PLCE1: variants seen among roughly 807,000 people sequenced by gnomAD.
The protein encoded by PLCE1 is 1-phosphatidylinositol 4,5-bisphosphate phosphodiesterase epsilon-1.
In PLCE1, 119 loss-of-function variants were observed where a neutral mutation model predicts 242.8. The observed-to-expected ratio is 0.49, with a 90% confidence interval of 0.42 to 0.57. PLCE1 has a LOEUF of 0.57. PLCE1 is among the 20% of genes least tolerant of loss of function. The pLI, the probability that PLCE1 is intolerant of heterozygous loss-of-function variation, is 0.00. For missense variants in PLCE1, 2,441 were observed against 2,788.8 expected, an observed-to-expected ratio of 0.88 and a Z score of 2.81; for synonymous variants, 945 against 1,017.4, an observed-to-expected ratio of 0.93 and a Z score of 1.35.
At chr10:94,160,463 G>C (rs1277906418) in intron 3 of PLCE1, among the ~76,000 whole-genome samples, 2 of 152,134 alleles carry the variant, frequency 1.3e-5, no homozygotes, top group East Asian at 3.8e-4. Context: ...TTTTGATGGG[G>C]TTGTTTCTTT....
rs1479758750 is a variant in PLCE1 at position 94,293,517 on chromosome 10, C to T, written c.5045C>T (p.Thr1682Ile). 9 of 1,613,424 alleles carry T rather than the reference C, an allele frequency of 5.6e-6. No homozygotes were observed. Among genetic ancestry groups the T allele is most frequent in the Non-Finnish European group, 7.6e-6 (9 of 1,179,654 alleles). The change falls in exon 23 of 33, where the codon ACT (threonine) becomes ATT (isoleucine). Residue 1682 changes from threonine (T) to isoleucine (I), a missense_variant. Around this residue, in one of 5 missense-constraint regions of PLCE1, gnomAD observed 1,004 missense variants for 1,322.7 expected, o/e 0.76. Coordinates refer to ENST00000371380, the MANE Select transcript of PLCE1 (RefSeq NM_016341.4). ...CATTTTATGGGAACAGGACTGTCAA[C>T]TCTAAATGCATCTGGCTCTAGCAGA... ...CQAVKFPGLS[T>I]LNASGSSRGK...
At chr10:94,024,412 A>T (rs2061424368) in intron 1 of PLCE1, among the ~76,000 whole-genome samples, 1 of 152,132 alleles carries the variant, frequency 6.6e-6, no homozygotes, top group African/African-American at 2.4e-5. Flanking sequence ...TCTTCTGAGG[A>T]CTTCAGATGA....
intron 4 of PLCE1, among the ~76,000 whole-genome samples, chr10:94,191,445 G>A (rs190922760): frequency 8.9e-4 from 136 of 152,150 alleles, no homozygotes; most frequent in Middle Eastern, 3.4e-3. Context: ...AGTTTGAGAC[G>A]AGCCTGGGCG....
chr10:94,026,091 C>A (rs372465714), intron 1 of PLCE1, among the ~76,000 whole-genome samples: 2 of 152,104 alleles, frequency 1.3e-5, no homozygotes, highest in African/African-American at 4.8e-5. Flanking sequence ...AGTTTTCCAG[C>A]CCTTGATTTA....
At chr10:94,009,366 A>G (rs954922254) in intron 1 of PLCE1, among the ~76,000 whole-genome samples, 3 of 152,206 alleles carry the variant, frequency 2.0e-5, no homozygotes, top group Admixed American at 6.5e-5. Context: ...CCATGATCCA[A>G]ACACCTTCCA....
intron 29 of PLCE1, among the ~76,000 whole-genome samples, chr10:94,318,307 A>T (rs1249206569): frequency 6.6e-6 from 1 of 152,212 alleles, no homozygotes; most frequent in Non-Finnish European, 1.5e-5. Context: ...TTTAATGTCT[A>T]AATTTTTGTC....
rs2050675809 is a variant in PLCE1 at position 94,246,257 on chromosome 10, T to C, written c.2732T>C (p.Leu911Pro). The stretch of plus-strand genomic sequence containing the variant: ...AGCAGTAAAGCAAAACTTGGTGTAC[T>C]TAATAACACAGCTGAGCCTGGAAAA... ...PASSKAKLGV[L>P]NNTAEPGKFP... Residue 911 changes from leucine (L) to proline (P), a missense_variant, in exon 8 of 33, where the codon CTT (leucine) becomes CCT (proline). Coordinates refer to ENST00000371380, the MANE Select transcript of PLCE1 (RefSeq NM_016341.4). 1 of 1,614,232 alleles carries C rather than the reference T, an allele frequency of 6.2e-7. No homozygotes were observed. Among genetic ancestry groups the C allele is most frequent in the Non-Finnish European group, 8.5e-7 (1 of 1,180,026 alleles).
intron 27 of PLCE1, among the ~76,000 whole-genome samples, chr10:94,309,860 C>T (rs2053330537): frequency 6.6e-6 from 1 of 151,998 alleles, no homozygotes; most frequent in Admixed American, 6.5e-5. Flanking sequence ...GACCCCATCT[C>T]TATTAAAAAA....
intron 4 of PLCE1, among the ~76,000 whole-genome samples, chr10:94,210,664 T>C (rs997290480): frequency 9.9e-5 from 15 of 152,060 alleles, no homozygotes; most frequent in Non-Finnish European, 2.9e-5. Flanking sequence ...TTAATCAGGG[T>C]CTCCAGCCCA....
chr10:94,085,450 C>G (rs1422002178), intron 2 of PLCE1, among the ~76,000 whole-genome samples: 1 of 152,112 alleles, frequency 6.6e-6, no homozygotes, highest in Non-Finnish European at 1.5e-5. Context: ...TCTGTGGCGT[C>G]TCAGAGGCAG....
At chr10:94,226,978 G>T (rs1475234486) in intron 4 of PLCE1, 1 of 344,660 alleles carries the variant, frequency 2.9e-6, no homozygotes, top group Non-Finnish European at 5.6e-6. Flanking sequence ...CAGGGTTCAA[G>T]CGATTCTCCT....
rs755624763 is a variant in PLCE1, at chr10:94,262,630, A to G, written c.3951A>G (p.Thr1317=). The G allele has an allele frequency of 3.1e-6, 5 of 1,614,016 alleles. No homozygotes were observed. The highest frequency in any genetic ancestry group is 1.3e-5 in the African/African-American group (1 of 74,928). ...IVTNGTGIES[T]SLGIFGVGIL... is the part of the protein sequence containing the mutation. Reference sequence around the variant, plus strand: ...CAAATGGCACTGGGATTGAGAGCACATCTCTGGGCATTTTTGGGGTGGGCA... The same window carrying G: ...CAAATGGCACTGGGATTGAGAGCACGTCTCTGGGCATTTTTGGGGTGGGCA... Residue 1317 remains threonine (T), a synonymous_variant, in exon 14 of 33, where the codon ACA becomes ACG. Coordinates refer to ENST00000371380, the MANE Select transcript of PLCE1 (RefSeq NM_016341.4).
intron 1 of PLCE1, among the ~76,000 whole-genome samples, chr10:94,007,382 T>G (rs1396647817): frequency 6.6e-6 from 1 of 152,138 alleles, no homozygotes; most frequent in Non-Finnish European, 1.5e-5. Context: ...ATTAGCATTG[T>G]TGGCTGTAAC....
At chr10:94,054,842 C>A (rs775051044) in intron 2 of PLCE1, among the ~76,000 whole-genome samples, 24 of 152,028 alleles carry the variant, frequency 1.6e-4, no homozygotes, top group Non-Finnish European at 3.1e-4. Context: ...GAAACCCCAT[C>A]TCTACTAAAA....
chr10:94,178,332 C>A (rs1027674621), intron 4 of PLCE1, among the ~76,000 whole-genome samples: 1 of 152,100 alleles, frequency 6.6e-6, no homozygotes, highest in African/African-American at 2.4e-5. Flanking sequence ...GGTCATGAGT[C>A]CTAGATTGAG....
chr10:94,207,283 G>T (rs899233097), intron 4 of PLCE1, among the ~76,000 whole-genome samples: 4 of 152,182 alleles, frequency 2.6e-5, no homozygotes, highest in African/African-American at 9.7e-5. Context: ...AAGCCGAAAT[G>T]GTTGGGACAT....
chr10:94,013,857 G>A (rs1312099451), intron 1 of PLCE1, among the ~76,000 whole-genome samples: 1 of 151,704 alleles, frequency 6.6e-6, no homozygotes, highest in Non-Finnish European at 1.5e-5. Flanking sequence ...AGTACTTGTA[G>A]ATGATCCCTG....
At chr10:94,289,672 A>C (rs1033293323) in intron 22 of PLCE1, among the ~76,000 whole-genome samples, 1 of 152,234 alleles carries the variant, frequency 6.6e-6, no homozygotes, top group African/African-American at 2.4e-5. Context: ...GACAAGGTAC[A>C]GTAAAATTAT....
In PLCE1 at chr10:94,010,487, G is replaced by A. The variant is rs114161710; in HGVS notation, c.-365+16229G>A. The stretch of plus-strand genomic sequence containing the variant: ...GGTTGCTCTGCAGCCCTTTTTAATT[G>A]TTACCCTGAAAACAGGCTTTTCTTC... On this transcript the variant is annotated intron_variant, in intron 1 of 32. Coordinates refer to ENST00000371380, the MANE Select transcript of PLCE1 (RefSeq NM_016341.4). Among the ~76,000 whole-genome samples, 1,043 of 152,214 alleles carry A rather than the reference G, an allele frequency of 6.9e-3. 6 individuals carry two copies. The highest frequency in any genetic ancestry group is 0.024 in the African/African-American group (992 of 41,520).
Sources: allele counts gnomAD v4.1 joint callset (sites outside exome capture counted in the v4.1 genomes callset), GRCh38; gene constraint gnomAD v4.1.1; regional missense constraint gnomAD v4.1.1; transcripts MANE v1.5; gene names NCBI Gene and HGNC (gene_info 2026-07-23, HGNC 2026-07-21).